RAPGEF5: variants seen among roughly 807,000 people sequenced by gnomAD.
RAPGEF5 encodes the protein Rap guanine nucleotide exchange factor 5.
RAPGEF5 carries 65 observed loss-of-function variants against 125.2 expected under a neutral mutation model. The observed-to-expected ratio is 0.52, with a 90% CI of 0.43 to 0.64. The LOEUF (loss-of-function observed/expected upper bound fraction) is 0.64, where lower values mean the gene tolerates loss of function less well. RAPGEF5 is among the 30% of genes least tolerant of loss of function. The probability of loss-of-function intolerance (pLI) is 0.00; values close to 1 mark genes in which losing one functional copy is unlikely to be tolerated. For missense variants in RAPGEF5, 958 were observed against 1,048.1 expected (o/e 0.91, Z 1.19); for synonymous variants, 391 against 385.9 (o/e 1.01, Z -0.16).
chr7:22,147,903 T>C (rs142812356), intron 18 of RAPGEF5, among the ~76,000 whole-genome samples: 146 of 152,356 alleles, frequency 9.6e-4, no homozygotes, highest in African/African-American at 3.4e-3. Context: ...TTAATCAACA[T>C]TTCTAAACTG....
intron 11 of RAPGEF5, among the ~76,000 whole-genome samples, chr7:22,189,944 G>GT (rs1562751320): frequency 1.3e-5 from 2 of 152,122 alleles, no homozygotes; most frequent in African/African-American, 4.8e-5. Context: ...TGGTTTGCTT[G>GT]TTCCTTATCA....
chr7:22,267,890 G>T (rs187209539), intron 6 of RAPGEF5, among the ~76,000 whole-genome samples: 2 of 151,894 alleles, frequency 1.3e-5, no homozygotes, highest in African/African-American at 2.4e-5. Flanking sequence ...GCGGGTGGGG[G>T]TATCAGGCAG....
Position 22,290,769 on chromosome 7 carries a change from A to G in RAPGEF5, c.747+406T>C, listed in dbSNP as rs191806031. Among the ~76,000 whole-genome samples the G allele has an allele frequency of 6.3e-4, 96 of 151,704 alleles. 1 individual carries two copies. The highest frequency in any genetic ancestry group is 2.3e-3 in the African/African-American group (94 of 41,368). ...CAAAAAAAAAAAAAAAAAAACCACAATGAAAATGTTGCAATATGGTACATT... is the reference window on the plus strand; with the variant it reads ...CAAAAAAAAAAAAAAAAAAACCACAGTGAAAATGTTGCAATATGGTACATT... On this transcript the variant is annotated intron_variant, in intron 6 of 25. Transcript: ENST00000665637.
rs141170707 is a variant in RAPGEF5 at position 22,145,945 on chromosome 7, T to G, written c.2008-723A>C. On this transcript the variant is annotated intron_variant, in intron 19 of 25. Transcript: ENST00000665637. ...CATGTGCAAAGCAATAGAAGAGATT[T>G]GTTTTTAAATGTGTTTGTGTGCGTG... 4.6e-5 allele frequency among the ~76,000 whole-genome samples: 7 copies of G among 151,888 alleles called. No individual in the cohort carries two copies. In the East Asian group the frequency reaches 1.4e-3, roughly 29 times the overall value.
At chr7:22,355,751 T>C (rs1004719872) in intron 1 of RAPGEF5, among the ~76,000 whole-genome samples, 2 of 152,060 alleles carry the variant, frequency 1.3e-5, no homozygotes, top group African/African-American at 2.4e-5. Flanking sequence ...TTCAGACCCT[T>C]CCCTACCCAA....
intron 3 of RAPGEF5, 39 bp from the exon 4 acceptor site, chr7:22,310,129 G>T (rs761525752): frequency 1.4e-6 from 2 of 1,462,050 alleles, no homozygotes; most frequent in African/African-American, 1.5e-5. Flanking sequence ...AGATATTGCT[G>T]ACATCCGTTT....
At chr7:22,309,845 T>C in intron 4 of RAPGEF5, 124 bp downstream of exon 4, 1 of 1,117,864 alleles carries the variant, frequency 8.9e-7, no homozygotes, top group Non-Finnish European at 1.2e-6. Flanking sequence ...TAAGAGAGAA[T>C]ACAAATATTT....
At chr7:22,122,747 C>T (rs1033601712) in intron 25 of RAPGEF5, among the ~76,000 whole-genome samples, 1 of 152,190 alleles carries the variant, frequency 6.6e-6, no homozygotes, top group Admixed American at 6.5e-5. Flanking sequence ...GCATTTATTA[C>T]CTAACATTGT....
rs34791723 is a variant in RAPGEF5, at chr7:22,269,180, CAAAAAAAAAA to C, written c.748-2178_748-2169del. On this transcript the variant is annotated intron_variant, in intron 6 of 25. Transcript: ENST00000665637. ...GCATTGGGAGGGAAAAAGTTTTTGA[CAAAAAAAAAA>C]AAAAAAAAAAGAAACCCAAAGATAG... Among the ~76,000 whole-genome samples the C allele has an allele frequency of 3.4e-4, 25 of 73,882 alleles. No homozygotes were observed. The East Asian group carries it at 5.6e-3, about 17-fold the overall frequency. 48.5% of individuals were successfully genotyped at this position (73,882 alleles called of 152,430 possible). A position where few individuals can be genotyped will look rare whatever the true frequency, so the allele number is the denominator to read the frequency against.
intron 2 of RAPGEF5, among the ~76,000 whole-genome samples, chr7:22,316,625 G>A (rs1783605806): frequency 6.6e-6 from 1 of 150,482 alleles, no homozygotes; most frequent in Non-Finnish European, 1.5e-5. Context: ...TAAGTAGCTG[G>A]AACTACAAGC....
chr7:22,191,609 G>A (rs1423849440), intron 11 of RAPGEF5: 1 of 471,116 alleles, frequency 2.1e-6, no homozygotes, highest in Admixed American at 2.3e-5. Context: ...GCACATGGCA[G>A]AAGTGACACA....
chr7:22,349,778 G>A (rs1480525233), intron 1 of RAPGEF5, among the ~76,000 whole-genome samples: 1 of 152,202 alleles, frequency 6.6e-6, no homozygotes, highest in Non-Finnish European at 1.5e-5. Flanking sequence ...ATTGCAGACA[G>A]GCTACAGTCT....
At chr7:22,263,935 G>C (rs1271365591) in intron 7 of RAPGEF5, among the ~76,000 whole-genome samples, 1 of 151,718 alleles carries the variant, frequency 6.6e-6, no homozygotes, top group East Asian at 1.9e-4. Flanking sequence ...TTTTCAATGA[G>C]CATGTTCTAC....
rs1783393221 is a variant in RAPGEF5, at chr7:22,145,143, C to A, written c.2087G>T (p.Cys696Phe). ...GGCCACCCAAAGCTGGACCTCATTG[C>A]ATCTCTGGAGCAGAAGGCTGAGATT... ...TANLSLLLQR[C>F]NEVQLWVATE... The change falls in exon 20 of 26, where the codon TGC becomes TTC. Residue 696 changes from cysteine (C) to phenylalanine (F), a missense_variant. Coordinates refer to ENST00000665637, the MANE Select transcript of RAPGEF5 (RefSeq NM_012294.5). The A allele has an allele frequency of 6.2e-7, 1 of 1,613,752 alleles. No homozygotes were observed. The highest frequency in any genetic ancestry group is 8.5e-7 in the Non-Finnish European group (1 of 1,179,780).
At chr7:22,263,032 A>G (rs1782193570) in intron 7 of RAPGEF5, among the ~76,000 whole-genome samples, 1 of 152,258 alleles carries the variant, frequency 6.6e-6, no homozygotes. Context: ...ATGAAGCTTC[A>G]GAAAATCATG....
intron 11 of RAPGEF5, among the ~76,000 whole-genome samples, chr7:22,172,907 C>T (rs939634671): frequency 3.9e-5 from 6 of 152,106 alleles, no homozygotes; most frequent in African/African-American, 1.4e-4. Context: ...ACCAAGAAAG[C>T]AAATTAAAAG....
intron 1 of RAPGEF5, among the ~76,000 whole-genome samples, chr7:22,354,206 T>C (rs1488330675): frequency 6.6e-5 from 10 of 152,350 alleles, no homozygotes; most frequent in South Asian, 6.2e-4. Flanking sequence ...CAGGGCAGCA[T>C]GGATAAGGAC....
chr7:22,322,449 T>C (rs1209586748), intron 1 of RAPGEF5, among the ~76,000 whole-genome samples: 2 of 152,100 alleles, frequency 1.3e-5, no homozygotes, highest in Non-Finnish European at 2.9e-5. Context: ...ACCCAGCCTA[T>C]ATTAAATATT....
chr7:22,204,585 T>A (rs998138387), intron 9 of RAPGEF5, among the ~76,000 whole-genome samples: 1 of 152,190 alleles, frequency 6.6e-6, no homozygotes, highest in African/African-American at 2.4e-5. Context: ...CCAGATCACA[T>A]GGAATGAGAG....
Sources: gnomAD v4.1 joint callset for allele counts (sites outside exome capture counted in the v4.1 genomes callset) on GRCh38, gnomAD v4.1.1 for gene constraint, MANE v1.5 for transcripts, NCBI Gene and HGNC (gene_info 2026-07-23, HGNC 2026-07-21) for gene names.